PARVG: variants seen among roughly 807,000 people sequenced by gnomAD.
The protein encoded by PARVG is parvin gamma.
A neutral mutation model predicts 44.4 loss-of-function variants in PARVG; 36 were observed. The ratio of observed to expected loss-of-function variants is 0.81; its 90% CI spans 0.62 to 1.07. PARVG has a LOEUF of 1.07. Among genes scored for constraint, PARVG ranks in the 50% least tolerant of loss-of-function variants. PARVG has a pLI of 0.00. For missense variants in PARVG, 407 were observed against 407.4 expected (o/e 1.00, Z 0.01); for synonymous variants, 170 against 174.1 (o/e 0.98, Z 0.19).
intron 11 of PARVG, among the ~76,000 whole-genome samples, chr22:44,197,344 C>T (rs934100276): frequency 6.6e-6 from 1 of 152,206 alleles, no homozygotes; most frequent in African/African-American, 2.4e-5. Flanking sequence ...GAATCCTCTC[C>T]ATAATCCTCT....
intron 9 of PARVG, among the ~76,000 whole-genome samples, chr22:44,194,935 A>AT (rs1214776068): frequency 6.6e-6 from 1 of 152,108 alleles, no homozygotes; most frequent in Non-Finnish European, 1.5e-5. Flanking sequence ...CTATCTACCC[A>AT]TCCAACCACC....
At chr22:44,205,950 G>A in intron 13 of PARVG, 121 bp downstream of exon 13, 5 of 1,204,260 alleles carry the variant, frequency 4.2e-6, no homozygotes, top group South Asian at 4.0e-5. Flanking sequence ...CCTCTTGCCT[G>A]GCAGGGGTGG....
chr22:44,204,656 A>G (rs1468502921), intron 12 of PARVG, among the ~76,000 whole-genome samples: 2 of 152,220 alleles, frequency 1.3e-5, no homozygotes. Context: ...GCGGGTTGCC[A>G]TGGGAACTGC....
chr22:44,204,418 TGAG>T (rs1204804289), intron 12 of PARVG, among the ~76,000 whole-genome samples: 1 of 152,218 alleles, frequency 6.6e-6, no homozygotes, highest in African/African-American at 2.4e-5. Context: ...GTGACACAGA[TGAG>T]GCACCTGAGG....
chr22:44,179,749 G>A (rs2054352367), upstream of PARVG, among the ~76,000 whole-genome samples: 1 of 143,048 alleles, frequency 7.0e-6, no homozygotes, highest in South Asian at 2.1e-4. This position sits in a 1 kb window ranked among gnomAD's most constrained non-coding sequence, Gnocchi z 4.2. Context: ...TAACAAATCC[G>A]AAGTTAATTG....
At chr22:44,185,728 A>G in intron 3 of PARVG, 80 bp from the exon 4 acceptor site, 1 of 1,300,848 alleles carries the variant, frequency 7.7e-7, no homozygotes, top group Non-Finnish European at 1.1e-6. Flanking sequence ...CGGTGCTGAA[A>G]TCTGTGGGTG....
In PARVG at chr22:44,189,341, G is replaced by A. The variant is rs542460226; in HGVS notation, c.388+87G>A. The A allele has an allele frequency of 3.9e-5, 60 of 1,529,572 alleles. 1 individual carries two copies. The highest frequency in any genetic ancestry group is 3.3e-4 in the South Asian group (27 of 81,976). The allele number at this position is 1,529,572 out of a possible 1,614,324, so 94.8% of individuals were successfully genotyped here. ...CAGGCTTCTCACCCACCAGGAAGGC[G>A]CACTCATCCTTCTCCCAGCAGGGGT... On this transcript the variant is annotated intron_variant, in intron 6 of 13. Transcript: ENST00000444313.
In PARVG at chr22:44,182,980, G is replaced by C. The variant is rs2054405346; in HGVS notation, c.-12-338G>C. On this transcript the variant is annotated intron_variant, in intron 2 of 13. Coordinates refer to ENST00000444313, the MANE Select transcript of PARVG (RefSeq NM_022141.7). The surrounding 1 kb of genome is among the most constrained non-coding windows in gnomAD (Gnocchi z 4.6). The stretch of plus-strand genomic sequence containing the variant: ...TACCTACTTTGTCCTGTCTGGGATA[G>C]GGTGGGGGGTCCCTGGGTAGGGGGC... The C allele has an allele frequency of 3.1e-6, 1 of 324,634 alleles. No individual in the cohort carries two copies. The highest frequency in any genetic ancestry group is 5.5e-5 in the Admixed American group (1 of 18,286). The allele number at this position is 324,634 out of a possible 1,614,324, so 20.1% of individuals were successfully genotyped here. A position where few individuals can be genotyped will look rare whatever the true frequency, so the allele number is the denominator to read the frequency against.
chr22:44,206,162 G>C (rs2054778209), intron 13 of PARVG, among the ~76,000 whole-genome samples, 155 bp from the exon 14 acceptor site: 1 of 152,144 alleles, frequency 6.6e-6, no homozygotes, highest in South Asian at 2.1e-4. Flanking sequence ...GCAGGCGCGG[G>C]ACCCAGGCCT....
chr22:44,197,269 T>TA (rs1473927225), intron 11 of PARVG, among the ~76,000 whole-genome samples: 1 of 152,160 alleles, frequency 6.6e-6, no homozygotes, highest in Non-Finnish European at 1.5e-5. Flanking sequence ...GCCTAGTAGC[T>TA]AAAACCAATA....
intron 12 of PARVG, among the ~76,000 whole-genome samples, chr22:44,205,464 C>T (rs560013771): frequency 3.3e-5 from 5 of 152,334 alleles, no homozygotes; most frequent in African/African-American, 9.6e-5. Context: ...GCCTTTTTCA[C>T]GGGCAGTGGC....
chr22:44,192,200 G>A, intron 8 of PARVG, 96 bp downstream of exon 8: 2 of 1,391,200 alleles, frequency 1.4e-6, no homozygotes, highest in Non-Finnish European at 2.0e-6. Context: ...GACCTTTGTG[G>A]GAAGGGCCCT....
intron 1 of PARVG, 178 bp from the exon 2 acceptor site, chr22:44,181,564 T>G (rs2054377981): frequency 1.6e-5 from 9 of 574,634 alleles, no homozygotes; most frequent in Non-Finnish European, 2.0e-5. Flanking sequence ...GCGGGGAAAC[T>G]GGCATGGTTT....
chr22:44,203,882 T>A (rs543864402), intron 12 of PARVG, among the ~76,000 whole-genome samples: 1 of 152,324 alleles, frequency 6.6e-6, no homozygotes, highest in Admixed American at 6.5e-5. Flanking sequence ...TTCGCTCTTG[T>A]CACCCAGGAT....
Position 44,185,928 on chromosome 22 carries a change from G to T in PARVG, c.144+56G>T, listed in dbSNP as rs1016908416. 10 of 1,544,552 alleles carry T rather than the reference G, an allele frequency of 6.5e-6. No individual in the cohort carries two copies. The African/African-American group carries it at 1.4e-4, about 21-fold the overall frequency. On this transcript the variant is annotated intron_variant, in intron 4 of 13. Transcript: ENST00000444313. ...TGGGTGCCTCTTGGCAGACCAGGCA[G>T]CGGCCTCCACGGGGCGGGGACAGCA...
At chr22:44,203,359 C>T (rs554177273) in intron 12 of PARVG, among the ~76,000 whole-genome samples, 1 of 152,302 alleles carries the variant, frequency 6.6e-6, no homozygotes, top group East Asian at 1.9e-4. Context: ...GGAAACATGT[C>T]TAGTCTTGAA....
chr22:44,183,471 C>A lies in PARVG; in HGVS notation c.79+63C>A, dbSNP rs1311718077. 3 of 1,448,266 alleles carry A rather than the reference C, an allele frequency of 2.1e-6. No homozygotes were observed. In the South Asian group the frequency reaches 4.1e-5, roughly 20 times the overall value. The allele number at this position is 1,448,266 out of a possible 1,614,324, so 89.7% of individuals were successfully genotyped here. A position where few individuals can be genotyped will look rare whatever the true frequency, so the allele number is the denominator to read the frequency against. On this transcript the variant is annotated intron_variant, in intron 3 of 13. Transcript: ENST00000444313. ...GTCTGTGTGGCAAGAGTGAGCCTGG[C>A]CATGCCTGGGACTTGCAGCACCTTC...
chr22:44,199,236 G>C (rs1569186746), intron 12 of PARVG, among the ~76,000 whole-genome samples: 2 of 151,464 alleles, frequency 1.3e-5, no homozygotes, highest in Non-Finnish European at 2.9e-5. Context: ...CTGCCTGCCT[G>C]TCTACCCACC....
In PARVG at chr22:44,198,613, C is replaced by T. The variant is rs768004211; in HGVS notation, c.712-8C>T. On this transcript the variant is annotated splice_polypyrimidine_tract_variant and splice_region_variant and intron_variant, in intron 11 of 13. Transcript: ENST00000444313. The stretch of plus-strand genomic sequence containing the variant: ...CCATGTGATTGTCTCCAGTTCCTTC[C>T]TTTGTAGTTTGCAGATGGGGTCATC... 6.2e-7 allele frequency: 1 copy of T among 1,604,792 alleles called. No homozygotes were observed. Among genetic ancestry groups the T allele is most frequent in the East Asian group, 2.2e-5 (1 of 44,822 alleles).
Sources: gnomAD v4.1 joint callset for allele counts (sites outside exome capture counted in the v4.1 genomes callset) on GRCh38, gnomAD v4.1.1 for gene constraint, Gnocchi (gnomAD v3.1) non-coding constraint, MANE v1.5 for transcripts, NCBI Gene and HGNC (gene_info 2026-07-23, HGNC 2026-07-21) for gene names.